The following DPYD variants were observed in gnomAD, a reference collection of about 807,000 sequenced individuals.
DPYD encodes the protein dihydropyrimidine dehydrogenase [NADP(+)].
A neutral mutation model predicts 116.2 loss-of-function variants in DPYD; 109 were observed. The ratio of observed to expected loss-of-function variants is 0.94; its 90% CI spans 0.80 to 1.10. The LOEUF (loss-of-function observed/expected upper bound fraction) is 1.10. Ranked by LOEUF, DPYD falls within the 50% of genes least tolerant of loss-of-function variation. DPYD has a pLI of 0.00. For synonymous variants in DPYD, 440 were observed against 432.0 expected (o/e 1.02, Z -0.23); for missense variants, 1,302 against 1,254.5 (o/e 1.04, Z -0.57).
chr1:97,686,358 C>A (rs1005320073), intron 7 of DPYD, among the ~76,000 whole-genome samples: 3 of 151,962 alleles, frequency 2.0e-5, no homozygotes, highest in Non-Finnish European at 4.4e-5. Context: ...ACATATAGGC[C>A]GGGCGCGGTG....
At chr1:97,543,577 T>G (rs940150780) in intron 12 of DPYD, among the ~76,000 whole-genome samples, 1 of 152,214 alleles carries the variant, frequency 6.6e-6, no homozygotes, top group Non-Finnish European at 1.5e-5. Context: ...CAAACTAATG[T>G]AAAATATAAG....
chr1:97,305,112 C>T (rs1667078913), intron 18 of DPYD, 147 bp downstream of exon 18: 3 of 1,168,756 alleles, frequency 2.6e-6, no homozygotes, highest in Admixed American at 1.9e-5. Flanking sequence ...CATATTCAAT[C>T]CGTTCTGTCA....
At chr1:97,138,836 C>G (rs1254274091) in intron 20 of DPYD, among the ~76,000 whole-genome samples, 3 of 152,116 alleles carry the variant, frequency 2.0e-5, no homozygotes, top group Non-Finnish European at 4.4e-5. Flanking sequence ...AGGAAGAGCT[C>G]TCCTCTGGCT....
intron 5 of DPYD, among the ~76,000 whole-genome samples, chr1:97,714,437 T>G (rs1662485902): frequency 6.6e-6 from 1 of 151,672 alleles, no homozygotes; most frequent in Non-Finnish European, 1.5e-5. Flanking sequence ...TGGTCTTGAT[T>G]TGACCTTGTG....
In DPYD at chr1:97,593,326, A is replaced by C. The variant is rs774390439; in HGVS notation, c.1020T>G (p.Ala340=). Residue 340 remains alanine, a synonymous_variant, in exon 10 of 23, where the codon GCT becomes GCG. Transcript: ENST00000370192. ...SIRGVVIVLG[A]GDTAFDCATS... ...TTGCACAGTCAAAGGCAGTGTCTCC[A>C]GCTCCAAGTACAATCACGACTCCCC... 2.5e-6 allele frequency: 4 copies of C among 1,614,042 alleles called. No homozygotes were observed. The highest frequency in any genetic ancestry group is 3.4e-6 in the Non-Finnish European group (4 of 1,180,026).
At chr1:97,204,396 C>T (rs1659452642) in intron 19 of DPYD, among the ~76,000 whole-genome samples, 1 of 152,052 alleles carries the variant, frequency 6.6e-6, no homozygotes, top group Non-Finnish European at 1.5e-5. Context: ...TCTACTGGAA[C>T]ATGGTTACAG....
At chr1:97,547,798 A>G (rs1000892384) in intron 12 of DPYD, among the ~76,000 whole-genome samples, 8 of 152,096 alleles carry the variant, frequency 5.3e-5, no homozygotes, top group African/African-American at 1.9e-4. Flanking sequence ...CTCCCACCTC[A>G]GTCTCCCAAT....
intron 14 of DPYD, among the ~76,000 whole-genome samples, chr1:97,434,544 G>T (rs977447637): frequency 1.3e-5 from 2 of 151,926 alleles, no homozygotes; most frequent in African/African-American, 4.8e-5. Flanking sequence ...GATTAGTTAG[G>T]AGCTCATTTT....
intron 3 of DPYD, among the ~76,000 whole-genome samples, chr1:97,749,273 G>A (rs191527631): frequency 3.1e-4 from 47 of 152,248 alleles, no homozygotes; most frequent in Admixed American, 9.2e-4. Flanking sequence ...AATGTGGAAG[G>A]AATTAGTGAA....
intron 3 of DPYD, among the ~76,000 whole-genome samples, chr1:97,748,452 CA>C (rs1294510972): frequency 6.6e-6 from 1 of 151,804 alleles, no homozygotes; most frequent in Non-Finnish European, 1.5e-5. Context: ...ACTAAAAATT[CA>C]AAAAAATTAG....
chr1:97,773,157 A>G (rs1419145809), intron 3 of DPYD, among the ~76,000 whole-genome samples: 2 of 152,194 alleles, frequency 1.3e-5, no homozygotes, highest in Non-Finnish European at 2.9e-5. Context: ...AATTTTCAAT[A>G]GGGTAACTTA....
chr1:97,418,141 G>A (rs957002977), intron 14 of DPYD, among the ~76,000 whole-genome samples: 1 of 151,940 alleles, frequency 6.6e-6, no homozygotes, highest in African/African-American at 2.4e-5. Context: ...ATGTTCCTGA[G>A]GTTTTAAATT....
chr1:97,225,020 T>G (rs1328062573), intron 19 of DPYD, among the ~76,000 whole-genome samples: 3 of 129,756 alleles, frequency 2.3e-5, no homozygotes, highest in Non-Finnish European at 5.1e-5. Context: ...TATCTATCTA[T>G]CTATCTATCT....
At chr1:97,586,510 ATATATATATG>A (rs1450410656) in intron 10 of DPYD, among the ~76,000 whole-genome samples, 32 of 110,898 alleles carry the variant, frequency 2.9e-4, no homozygotes, top group African/African-American at 9.8e-4. Context: ...ATATATATAT[ATATATATATG>A]CTGTGAAAAA....
intron 4 of DPYD, among the ~76,000 whole-genome samples, chr1:97,723,352 G>A (rs536465223): frequency 4.6e-5 from 7 of 151,694 alleles, no homozygotes; most frequent in African/African-American, 1.7e-4. Flanking sequence ...AAGTGGCAGA[G>A]ACAGGATTCA....
chr1:97,723,299 A>C (rs1280421529), intron 4 of DPYD, among the ~76,000 whole-genome samples: 1 of 151,588 alleles, frequency 6.6e-6, no homozygotes, highest in African/African-American at 2.4e-5. Context: ...AATAAAACTG[A>C]AATATAAAGG....
chr1:97,550,310 A>T (rs962277526), intron 11 of DPYD, among the ~76,000 whole-genome samples: 49 of 152,222 alleles, frequency 3.2e-4, no homozygotes, highest in African/African-American at 1.2e-3. Context: ...ACATTTAGCC[A>T]GCAATTTCTG....
rs1423702166 is a variant in DPYD, at chr1:97,593,264, A to T, written c.1082T>A (p.Ile361Asn). ...ATTAACAAAGCCTTTTCTGAAGACG[A>T]TGAACACACGGCGAGCTCCACAACG... ...ALRCGARRVF[I>N]VFRKGFVNIR... The change falls in exon 10 of 23, where the codon ATC becomes AAC. Residue 361 changes from isoleucine to asparagine, a missense_variant. By Grantham distance (149) the Ile-to-Asn change is moderately radical. Coordinates refer to ENST00000370192, the MANE Select transcript of DPYD (RefSeq NM_000110.4). 1 of 1,614,154 alleles carries T rather than the reference A, an allele frequency of 6.2e-7. No homozygotes were observed. The highest frequency in any genetic ancestry group is 8.5e-7 in the Non-Finnish European group (1 of 1,180,018).
At chr1:97,720,843 T>C in intron 5 of DPYD, 2 of 1,602,592 alleles carry the variant, frequency 1.2e-6, no homozygotes, top group Non-Finnish European at 8.5e-7. Flanking sequence ...TGACTCCAAA[T>C]AGGAGACGTC....
Sources: allele counts gnomAD v4.1 joint callset (sites outside exome capture counted in the v4.1 genomes callset), GRCh38; gene constraint gnomAD v4.1.1; transcripts MANE v1.5; gene names NCBI Gene and HGNC (gene_info 2026-07-23, HGNC 2026-07-21).